The following PCDHGA4 variants were observed in gnomAD, a reference collection of about 807,000 sequenced individuals.
PCDHGA4 encodes the protein protocadherin gamma subfamily A, 4.
Under a neutral mutation model 54.6 loss-of-function variants are expected in PCDHGA4, and 38 were observed. The observed-to-expected ratio is 0.70, with a 90% CI of 0.54 to 0.91. PCDHGA4 has a LOEUF of 0.91. Ranked by LOEUF, PCDHGA4 falls within the 40% of genes least tolerant of loss-of-function variation. PCDHGA4 has a pLI of 0.00. For synonymous variants in PCDHGA4, 511 were observed against 512.9 expected (o/e 1.00, Z 0.05); for missense variants, 1,298 against 1,220.9 (o/e 1.06, Z -0.94).
At chr5:141,409,034 AACT>A in intron 1 of PCDHGA4, 6 of 1,613,992 alleles carry the variant, frequency 3.7e-6, no homozygotes, top group Non-Finnish European at 4.2e-6. Flanking sequence ...TGCTGAGATA[AACT>A]ACTACTTCCG....
At chr5:141,362,055 G>A (rs762337183) in intron 1 of PCDHGA4, 4 of 1,611,832 alleles carry the variant, frequency 2.5e-6, no homozygotes, top group Non-Finnish European at 3.4e-6. Context: ...CGGCCCGCCA[G>A]CGCCTGCTGG....
chr5:141,413,477 C>A, intron 1 of PCDHGA4: 1 of 1,614,100 alleles, frequency 6.2e-7, no homozygotes, highest in Non-Finnish European at 8.5e-7. Flanking sequence ...GAGCTCTGCG[C>A]TCAGAGCGCG....
In PCDHGA4 at chr5:141,487,844, A is replaced by T; in HGVS notation, c.2515-6963A>T. The T allele has an allele frequency of 1.9e-6, 2 of 1,043,194 alleles. No individual in the cohort carries two copies. The highest frequency in any genetic ancestry group is 2.7e-6 in the Non-Finnish European group (2 of 730,908). The allele number at this position is 1,043,194 out of a possible 1,614,324, so 64.6% of individuals were successfully genotyped here. ...CGGGTCATGCCTATATCTGAGTAAG[A>T]AATGAAAGTAATTGGTGATCAAGAG... On this transcript the variant is annotated intron_variant, in intron 1 of 3. Transcript: ENST00000571252. This position sits in a 1 kb window ranked among gnomAD's most constrained non-coding sequence, Gnocchi z 5.0.
In PCDHGA4 at chr5:141,415,152, C is replaced by G. The variant is rs758450562; in HGVS notation, c.2514+57531C>G. ...AGGACCACGGCCAGCCCCCTCTCTCCGCCACTGTCACGCTCACCGTGGCCG... is the reference window on the plus strand; with the variant it reads ...AGGACCACGGCCAGCCCCCTCTCTCGGCCACTGTCACGCTCACCGTGGCCG... On this transcript the variant is annotated intron_variant, in intron 1 of 3. Transcript: ENST00000571252. The G allele has an allele frequency of 1.9e-6, 3 of 1,613,812 alleles. No individual in the cohort carries two copies. In the Admixed American group the frequency reaches 5.0e-5, roughly 27 times the overall value.
chr5:141,391,560 T>C (rs981712066), intron 1 of PCDHGA4: 2 of 152,242 alleles, frequency 1.3e-5, no homozygotes, highest in African/African-American at 4.8e-5. Context: ...GTTTTCCATA[T>C]GCATAAGAAA....
Position 141,491,454 on chromosome 5 carries a change from C to T in PCDHGA4, c.2515-3353C>T. The T allele has an allele frequency of 1.9e-6, 3 of 1,614,120 alleles. No individual in the cohort carries two copies. The highest frequency in any genetic ancestry group is 2.5e-6 in the Non-Finnish European group (3 of 1,180,032). On this transcript the variant is annotated intron_variant, in intron 1 of 3. Coordinates refer to ENST00000571252, the MANE Select transcript of PCDHGA4 (RefSeq NM_018917.4). This position sits in a 1 kb window ranked among gnomAD's most constrained non-coding sequence, Gnocchi z 6.9. ...GCTGCAGGCGCCAGGACTCACCCTCCCCGGACTTCTATAAGCAGTCCAGCC... is the reference window on the plus strand; with the variant it reads ...GCTGCAGGCGCCAGGACTCACCCTCTCCGGACTTCTATAAGCAGTCCAGCC...
intron 1 of PCDHGA4, chr5:141,408,066 G>T: frequency 7.3e-7 from 1 of 1,364,656 alleles, no homozygotes; most frequent in Non-Finnish European, 9.7e-7. Flanking sequence ...CGGCTGCGCA[G>T]ACCTTTCCCA....
chr5:141,432,215 C>T lies in PCDHGA4; in HGVS notation c.2515-62592C>T. The T allele has an allele frequency of 1.9e-6, 3 of 1,614,228 alleles. No individual in the cohort carries two copies. The highest frequency in any genetic ancestry group is 2.5e-6 in the Non-Finnish European group (3 of 1,180,036). The stretch of plus-strand genomic sequence containing the variant: ...CGACCCCGACTGTGAAGAGAACGCC[C>T]AGATCACTTATTCCCTGGCTGAGAA... On this transcript the variant is annotated intron_variant, in intron 1 of 3. Transcript: ENST00000571252. This position sits in a 1 kb window ranked among gnomAD's most constrained non-coding sequence, Gnocchi z 6.0.
intron 1 of PCDHGA4, chr5:141,409,044 T>G (rs2095215005): frequency 6.2e-7 from 1 of 1,613,762 alleles, no homozygotes; most frequent in African/African-American, 1.3e-5. Context: ...AACTACTACT[T>G]CCGAAGCACT....
intron 2 of PCDHGA4, among the ~76,000 whole-genome samples, chr5:141,499,029 A>G (rs140948405): frequency 1.5e-3 from 205 of 140,068 alleles, no homozygotes; most frequent in African/African-American, 5.5e-3. Context: ...AGGAAGGAAG[A>G]AAAGAAAGAA....
At chr5:141,361,682 C>T in intron 1 of PCDHGA4, 1 of 1,613,584 alleles carries the variant, frequency 6.2e-7, no homozygotes. Context: ...GTGGTGTTCG[C>T]GCAGCGCGCC....
intron 1 of PCDHGA4, among the ~76,000 whole-genome samples, chr5:141,482,161 G>A (rs2099554171): frequency 6.6e-6 from 1 of 152,008 alleles, no homozygotes; most frequent in Non-Finnish European, 1.5e-5. Context: ...TCAAAGATAT[G>A]TAAGATTAAG....
intron 1 of PCDHGA4, chr5:141,475,937 C>G (rs970582600): frequency 2.8e-5 from 19 of 676,764 alleles, no homozygotes; most frequent in African/African-American, 1.8e-4. Context: ...GGCCCCTGCC[C>G]GTCCCCTTTC....
At chr5:141,418,572 A>G (rs777784393) in intron 1 of PCDHGA4, 5 of 1,613,794 alleles carry the variant, frequency 3.1e-6, no homozygotes, top group Non-Finnish European at 4.2e-6. Flanking sequence ...GCCAATGACA[A>G]CCCCCCAGTG....
At chr5:141,358,886 A>T (rs6863227) in intron 1 of PCDHGA4, among the ~76,000 whole-genome samples, 1,958 of 152,292 alleles carry the variant, frequency 0.013, 53 homozygotes, top group African/African-American at 0.045. Context: ...TGGCTCTGGG[A>T]TTATTTTATA....
rs767245444 is a variant in PCDHGA4, at chr5:141,393,478, G to A, written c.2514+35857G>A. 1 of 1,614,052 alleles carries A rather than the reference G, an allele frequency of 6.2e-7. No homozygotes were observed. On this transcript the variant is annotated intron_variant, in intron 1 of 3. Transcript: ENST00000571252. ...GCCTCGGATGGCGGCAAGCCGCCTC[G>A]CTCTAGCACAGTGCGCATCCACGTG... is the stretch of plus-strand genomic sequence containing the variant.
intron 1 of PCDHGA4, chr5:141,378,750 G>T (rs1388712170): frequency 1.3e-5 from 2 of 152,084 alleles, no homozygotes; most frequent in African/African-American, 4.8e-5. Flanking sequence ...CAAGAAAAAA[G>T]GGATTATCAT....
chr5:141,357,873 C>A, intron 1 of PCDHGA4: 1 of 560,256 alleles, frequency 1.8e-6, no homozygotes, highest in South Asian at 2.2e-5. Context: ...TTTTACAACT[C>A]TGAGCCACCT....
chr5:141,430,837 C>T (rs1350348914), intron 1 of PCDHGA4: 4 of 1,559,956 alleles, frequency 2.6e-6, no homozygotes, highest in South Asian at 2.5e-5. Context: ...TGTGGGAGAC[C>T]GGATGCACCC....
Sources: allele counts gnomAD v4.1 joint callset (sites outside exome capture counted in the v4.1 genomes callset), GRCh38; gene constraint gnomAD v4.1.1; non-coding constraint Gnocchi (gnomAD v3.1); transcripts MANE v1.5; gene names NCBI Gene and HGNC (gene_info 2026-07-23, HGNC 2026-07-21).